The following FAM168A variants were observed in gnomAD, a reference collection of about 807,000 sequenced individuals.
The protein encoded by FAM168A is family with sequence similarity 168 member A.
A neutral mutation model predicts 28.5 loss-of-function variants in FAM168A; 3 were observed. That is an observed-to-expected ratio of 0.11 (90% CI 0.05 to 0.27). The LOEUF (loss-of-function observed/expected upper bound fraction) is 0.27, where lower values mean the gene tolerates loss of function less well. Among genes scored for constraint, FAM168A ranks in the 10% least tolerant of loss-of-function variants. The pLI is 1.00. For missense variants in FAM168A, 222 were observed against 311.5 expected (o/e 0.71, Z 2.16); for synonymous variants, 122 against 124.2 (o/e 0.98, Z 0.12).
rs140788338 is a variant in FAM168A at position 73,514,828 on chromosome 11, GCCATCCATCCAT to G, written c.-18-46348_-18-46337del. On this transcript the variant is annotated intron_variant, in intron 1 of 7. Coordinates refer to ENST00000356467, the MANE Select transcript of FAM168A (RefSeq NM_015159.3). Reference sequence around the variant, plus strand: ...AGCCTGTGTGACAGAGTGAGACTCTGCCATCCATCCATCCATCCATCCATCCATCCATCCATC... The same window carrying G: ...AGCCTGTGTGACAGAGTGAGACTCTGCCATCCATCCATCCATCCATCCATC... Among the ~76,000 whole-genome samples the G allele has an allele frequency of 4.8e-3, 710 of 146,544 alleles. 5 individuals are homozygous for G. The highest frequency in any genetic ancestry group is 0.016 in the African/African-American group (613 of 39,388).
chr11:73,597,048 C>CT (rs1434216512), intron 1 of FAM168A, among the ~76,000 whole-genome samples: 1 of 152,096 alleles, frequency 6.6e-6, no homozygotes, highest in Non-Finnish European at 1.5e-5. Flanking sequence ...CCACCATGCC[C>CT]TTTCCAGTGA....
intron 2 of FAM168A, among the ~76,000 whole-genome samples, chr11:73,461,768 G>T (rs932598587): frequency 6.6e-6 from 1 of 152,160 alleles, no homozygotes; most frequent in East Asian, 1.9e-4. Flanking sequence ...GGGGACAGGG[G>T]TATATGAAAG....
intron 1 of FAM168A, among the ~76,000 whole-genome samples, chr11:73,516,115 AAAG>A (rs1470623306): frequency 2.0e-5 from 3 of 151,936 alleles, no homozygotes; most frequent in African/African-American, 4.8e-5. Flanking sequence ...AAAAAAAAAA[AAAG>A]AATCAGAATC....
At chr11:73,562,343 T>C (rs997379795) in intron 1 of FAM168A, among the ~76,000 whole-genome samples, 3 of 152,248 alleles carry the variant, frequency 2.0e-5, no homozygotes, top group African/African-American at 7.2e-5. Flanking sequence ...TTGGGGATTA[T>C]ATAATATATG....
intron 1 of FAM168A, among the ~76,000 whole-genome samples, chr11:73,496,903 A>ACACGCACG (rs755089712): frequency 6.7e-6 from 1 of 148,496 alleles, no homozygotes. Context: ...ACACACACAC[A>ACACGCACG]CACGCACACA....
chr11:73,509,097 G>C (rs990388538), intron 1 of FAM168A, among the ~76,000 whole-genome samples: 6 of 152,128 alleles, frequency 3.9e-5, no homozygotes, highest in Non-Finnish European at 8.8e-5. Flanking sequence ...CTCAGTTTCA[G>C]GTATGTCTTT....
At chr11:73,521,789 T>A (rs1049201092) in intron 1 of FAM168A, among the ~76,000 whole-genome samples, 2 of 152,162 alleles carry the variant, frequency 1.3e-5, no homozygotes, top group Non-Finnish European at 2.9e-5. Flanking sequence ...AAGCTGTTAG[T>A]TGGCAAATGA....
chr11:73,450,726 T>C (rs1867412272), intron 2 of FAM168A, among the ~76,000 whole-genome samples: 1 of 150,582 alleles, frequency 6.6e-6, no homozygotes, highest in Admixed American at 6.6e-5. Flanking sequence ...TTTCTTTTTA[T>C]GGACCAGACA....
chr11:73,594,140 C>T (rs1277424158), intron 1 of FAM168A, among the ~76,000 whole-genome samples: 1 of 152,154 alleles, frequency 6.6e-6, no homozygotes, highest in Non-Finnish European at 1.5e-5. Context: ...CATTCTGTAA[C>T]CCAGACTGCA....
intron 1 of FAM168A, among the ~76,000 whole-genome samples, chr11:73,492,842 G>A (rs575913426): frequency 1.1e-4 from 17 of 152,108 alleles, no homozygotes; most frequent in African/African-American, 4.1e-4. Context: ...GCCATAAAAA[G>A]GAACAAAATC....
At chr11:73,577,129 A>T (rs1368619254) in intron 1 of FAM168A, among the ~76,000 whole-genome samples, 1 of 152,162 alleles carries the variant, frequency 6.6e-6, no homozygotes, top group Non-Finnish European at 1.5e-5. Flanking sequence ...CGAATCCACA[A>T]ATCTACCAAT....
chr11:73,468,530 T>A, intron 1 of FAM168A, 38 bp from the exon 2 acceptor site: 2 of 1,472,726 alleles, frequency 1.4e-6, no homozygotes, highest in South Asian at 1.1e-5. Context: ...TGATATTGAT[T>A]GTTCATTCTT....
intron 2 of FAM168A, 147 bp from the exon 3 acceptor site, chr11:73,430,917 GTA>G (rs1471005836): frequency 3.6e-6 from 2 of 562,344 alleles, no homozygotes; most frequent in Non-Finnish European, 6.1e-6. Flanking sequence ...ATTCCAGATA[GTA>G]TATGTGACCA....
intron 6 of FAM168A, among the ~76,000 whole-genome samples, chr11:73,407,885 T>C (rs1228715752): frequency 1.3e-5 from 2 of 152,216 alleles, no homozygotes; most frequent in Admixed American, 6.5e-5. Context: ...TTTCCTTTTT[T>C]CTTTGAGACG....
In FAM168A at chr11:73,502,536, C is replaced by T. The variant is rs181985074; in HGVS notation, c.-18-34044G>A. ...CAACCAAAAAAAGTCCAGGACCACA[C>T]GGATTTACAGCCGAATTCTACCAGA... is the stretch of plus-strand genomic sequence containing the variant. On this transcript the variant is annotated intron_variant, in intron 1 of 7. Transcript: ENST00000356467. Among the ~76,000 whole-genome samples the T allele has an allele frequency of 5.2e-4, 79 of 152,244 alleles. 1 individual carries two copies. Among genetic ancestry groups the T allele is most frequent in the African/African-American group, 1.6e-3 (68 of 41,554 alleles).
At chr11:73,407,931 G>A (rs1764013041) in intron 6 of FAM168A, among the ~76,000 whole-genome samples, 1 of 152,212 alleles carries the variant, frequency 6.6e-6, no homozygotes, top group Admixed American at 6.5e-5. Flanking sequence ...GAGTGCAATG[G>A]CGCGATCTCA....
At chr11:73,524,868 G>A (rs895776298) in intron 1 of FAM168A, among the ~76,000 whole-genome samples, 1 of 152,142 alleles carries the variant, frequency 6.6e-6, no homozygotes, top group Non-Finnish European at 1.5e-5. Flanking sequence ...ACAAAGTGCT[G>A]GGATTACAGG....
intron 1 of FAM168A, among the ~76,000 whole-genome samples, chr11:73,581,987 G>C (rs1420901955): frequency 3.3e-5 from 5 of 151,932 alleles, no homozygotes; most frequent in African/African-American, 1.2e-4. Context: ...AAAGTGCTGG[G>C]ATTACAGGCA....
In FAM168A at chr11:73,520,891, A is replaced by G. The variant is rs564508113; in HGVS notation, c.-18-52399T>C. Among the ~76,000 whole-genome samples the G allele has an allele frequency of 7.2e-5, 11 of 152,010 alleles. No individual in the cohort carries two copies. In the South Asian group the frequency reaches 2.1e-3, roughly 29 times the overall value. ...AAACATCTGTTCAATCCCCCAAAGAAAATGGAAATAAGCAGCTAAAAAAAA... is the reference window on the plus strand; with the variant it reads ...AAACATCTGTTCAATCCCCCAAAGAGAATGGAAATAAGCAGCTAAAAAAAA... On this transcript the variant is annotated intron_variant, in intron 1 of 7. Coordinates refer to ENST00000356467, the MANE Select transcript of FAM168A (RefSeq NM_015159.3).
Sources: gnomAD v4.1 joint callset for allele counts (sites outside exome capture counted in the v4.1 genomes callset) on GRCh38, gnomAD v4.1.1 for gene constraint, MANE v1.5 for transcripts, NCBI Gene and HGNC (gene_info 2026-07-23, HGNC 2026-07-21) for gene names.